Variants in OTX1 observed in about 807,000 individuals in gnomAD.
The protein encoded by OTX1 is orthodenticle homeobox 1.
OTX1 carries 7 observed loss-of-function variants against 26.7 expected under a neutral mutation model. That is an observed-to-expected ratio of 0.26 (90% CI 0.15 to 0.49). The LOEUF is 0.49. OTX1 is among the 20% of genes least tolerant of loss of function. The probability of loss-of-function intolerance (pLI) is 0.98; values close to 1 mark genes in which losing one functional copy is unlikely to be tolerated. For synonymous variants in OTX1, 216 were observed against 212.8 expected (o/e 1.01, Z -0.13); for missense variants, 414 against 483.8 (o/e 0.86, Z 1.35).
chr2:63,052,943 G>A lies in OTX1; in HGVS notation c.-48G>A, dbSNP rs1559118803. 1 of 1,341,662 alleles carries A rather than the reference G, an allele frequency of 7.5e-7. No homozygotes were observed. The highest frequency in any genetic ancestry group is 1.1e-6 in the Non-Finnish European group (1 of 944,448). 83.1% of individuals were successfully genotyped at this position (1,341,662 alleles called of 1,614,324 possible). A position where few individuals can be genotyped will look rare whatever the true frequency, so the allele number is the denominator to read the frequency against. On this transcript the variant is annotated 5_prime_UTR_variant, in exon 3 of 5. Transcript: ENST00000282549. ...TGGTGGGAGCCCTGCACCGCTCCTG[G>A]CCCCGGGCCCCCTGGATCCGTCGGG...
intron 3 of OTX1, 77 bp downstream of exon 3, chr2:63,053,164 G>A (rs1001625233): frequency 1.0e-6 from 1 of 1,003,526 alleles, no homozygotes; most frequent in Middle Eastern, 2.2e-4. Flanking sequence ...TTGAGTGCAA[G>A]CTTTGTTGCT....
rs1287671704 is a variant in OTX1, at chr2:63,055,389, C to T, written c.250-112C>T. ...CAGAGACAGGAAGGGGCGGAGGCCT[C>T]GGTGAGAAAGGATTGCGATATTCTG... is the stretch of plus-strand genomic sequence containing the variant. On this transcript the variant is annotated intron_variant, in intron 4 of 4. Transcript: ENST00000282549. This position sits in a 1 kb window ranked among gnomAD's most constrained non-coding sequence, Gnocchi z 5.2. The T allele has an allele frequency of 5.3e-5, 63 of 1,197,986 alleles. No individual in the cohort carries two copies. The highest frequency in any genetic ancestry group is 6.5e-5 in the Non-Finnish European group (56 of 862,018). 74.2% of individuals were successfully genotyped at this position (1,197,986 alleles called of 1,614,324 possible).
At chr2:63,054,267 C>CTCTTGAGTAGT in intron 4 of OTX1, 69 bp downstream of exon 4, 1 of 1,460,150 alleles carries the variant, frequency 6.8e-7, no homozygotes, top group Non-Finnish European at 9.1e-7. Flanking sequence ...TCTAGGAAGG[C>CTCTTGAGTAGT]TCTTGAGTAG....
rs2062076522 is a variant in OTX1 at position 63,057,427 on chromosome 2, T to A, written c.*1111T>A. 6.6e-6 allele frequency: 1 copy of A among 152,210 alleles called. No homozygotes were observed. Among genetic ancestry groups the A allele is most frequent in the African/African-American group, 2.4e-5 (1 of 41,410 alleles). The allele number at this position is 152,210 out of a possible 1,614,324, so 9.4% of individuals were successfully genotyped here. A position where few individuals can be genotyped will look rare whatever the true frequency, so the allele number is the denominator to read the frequency against. On this transcript the variant is annotated 3_prime_UTR_variant, in exon 5 of 5. Coordinates refer to ENST00000282549, the MANE Select transcript of OTX1 (RefSeq NM_014562.4). ...GCAGGGCTGACCCCCTCACCCGGTC[T>A]AAGCACAGGGTCGCAGTTCCAGTTT...
chr2:63,052,819 G>C, intron 2 of OTX1, 61 bp from the exon 3 acceptor site: 1 of 561,798 alleles, frequency 1.8e-6, no homozygotes, highest in Non-Finnish European at 3.1e-6. Flanking sequence ...CTATCCCGGG[G>C]CAAGACTTGG....
Position 63,056,383 on chromosome 2 carries a change from G to A in OTX1, c.*67G>A. The A allele has an allele frequency of 2.9e-6, 4 of 1,374,146 alleles. No homozygotes were observed. Among genetic ancestry groups the A allele is most frequent in the Non-Finnish European group, 4.0e-6 (4 of 994,358 alleles). The allele number at this position is 1,374,146 out of a possible 1,614,324, so 85.1% of individuals were successfully genotyped here. ...CCTCCGTGGTCCCGATCCTGTTGCT[G>A]CTGCTGCACCGCCCGCCTTTGCCTC... On this transcript the variant is annotated 3_prime_UTR_variant, in exon 5 of 5. Transcript: ENST00000282549.
intron 4 of OTX1, among the ~76,000 whole-genome samples, chr2:63,054,980 C>T (rs1319585915): frequency 6.6e-6 from 1 of 152,206 alleles, no homozygotes; most frequent in Admixed American, 6.5e-5. Flanking sequence ...CTTGCTCCTA[C>T]CCCCACCCAA....
intron 2 of OTX1, among the ~76,000 whole-genome samples, chr2:63,052,418 G>C (rs1401703503): frequency 6.6e-6 from 1 of 152,260 alleles, no homozygotes; most frequent in Non-Finnish European, 1.5e-5. Flanking sequence ...AGTGCAATTA[G>C]CCCTCCACAT....
In OTX1 at chr2:63,056,809, A is replaced by G. The variant is rs2062071258; in HGVS notation, c.*493A>G. The G allele has an allele frequency of 6.4e-6, 1 of 156,766 alleles. No homozygotes were observed. Among genetic ancestry groups the G allele is most frequent in the East Asian group, 1.9e-4 (1 of 5,338 alleles). The allele number at this position is 156,766 out of a possible 1,614,324, so 9.7% of individuals were successfully genotyped here. A position where few individuals can be genotyped will look rare whatever the true frequency, so the allele number is the denominator to read the frequency against. On this transcript the variant is annotated 3_prime_UTR_variant, in exon 5 of 5. Coordinates refer to ENST00000282549, the MANE Select transcript of OTX1 (RefSeq NM_014562.4). The stretch of plus-strand genomic sequence containing the variant: ...ACCACTAAGAGTTCCTCCCGCGCAG[A>G]CTGCTGCCCCTTCAGCTGCCCTCGA...
In OTX1 at chr2:63,056,040, G is replaced by C. The variant is rs774634981; in HGVS notation, c.789G>C (p.Gln263His). 6.2e-6 allele frequency: 10 copies of C among 1,613,250 alleles called. No individual in the cohort carries two copies. The South Asian group carries it at 1.1e-4, about 18-fold the overall frequency. The change falls in exon 5 of 5, where the codon CAG becomes CAC. Residue 263 changes from glutamine to histidine, a missense_variant. This residue lies in a region of OTX1 where 320 missense variants were observed against 347.9 expected (regional missense o/e 0.92). Coordinates refer to ENST00000282549, the MANE Select transcript of OTX1 (RefSeq NM_014562.4). ...TGCACTCACATCACCACCCGCACCA[G>C]CTCAGCCCCATGGCACCCTCCTCCA... is the stretch of plus-strand genomic sequence containing the variant. ...APMHSHHHPH[Q>H]LSPMAPSSMA...
chr2:63,052,928 C>T lies in OTX1; in HGVS notation c.-63C>T, dbSNP rs2062036012. On this transcript the variant is annotated 5_prime_UTR_variant, in exon 3 of 5. Coordinates refer to ENST00000282549, the MANE Select transcript of OTX1 (RefSeq NM_014562.4). ...CCCTGAAGGACTGCGTGGTGGGAGC[C>T]CTGCACCGCTCCTGGCCCCGGGCCC... 2.8e-6 allele frequency: 3 copies of T among 1,083,358 alleles called. No individual in the cohort carries two copies. Among genetic ancestry groups the T allele is most frequent in the African/African-American group, 1.6e-5 (1 of 63,528 alleles). 67.1% of individuals were successfully genotyped at this position (1,083,358 alleles called of 1,614,324 possible). A position where few individuals can be genotyped will look rare whatever the true frequency, so the allele number is the denominator to read the frequency against.
intron 3 of OTX1, chr2:63,053,826 C>T (rs1356054795): frequency 8.8e-6 from 5 of 568,910 alleles, no homozygotes; most frequent in Non-Finnish European, 1.6e-5. Flanking sequence ...TAGAGAGGGG[C>T]AGCCCTCGAA....
chr2:63,050,195 G>A (rs1224212686), upstream of OTX1: 2 of 152,132 alleles, frequency 1.3e-5, no homozygotes, highest in African/African-American at 2.4e-5. Context: ...TCCCAGGCGC[G>A]AGAGTCCGGA....
At chr2:63,050,211 CGAG>C (rs894536595), upstream of OTX1, 6 of 152,100 alleles carry the variant, frequency 3.9e-5, no homozygotes, top group African/African-American at 1.4e-4. Flanking sequence ...CCGGAGGGGC[CGAG>C]GAGAGATCTG....
intron 3 of OTX1, chr2:63,053,790 T>A (rs1274307415): frequency 4.1e-6 from 2 of 490,336 alleles, no homozygotes; most frequent in Non-Finnish European, 7.3e-6. Context: ...TAGACTTCTC[T>A]TAACTTTTTT....
rs375731189 is a variant in OTX1, at chr2:63,055,874, G to C, written c.623G>C (p.Arg208Pro). 6.2e-7 allele frequency: 1 copy of C among 1,611,988 alleles called. No individual in the cohort carries two copies. Among genetic ancestry groups the C allele is most frequent in the Admixed American group, 1.7e-5 (1 of 59,984 alleles). The change falls in exon 5 of 5, where the codon CGC becomes CCC. Residue 208 changes from arginine (R) to proline (P), a missense_variant. Physicochemically the swap from Arg to Pro is moderately radical, Grantham distance 103 (BLOSUM62 -2). Around this residue, in one of 3 missense-constraint regions of OTX1, gnomAD observed 320 missense variants for 347.9 expected, o/e 0.92. Coordinates refer to ENST00000282549, the MANE Select transcript of OTX1 (RefSeq NM_014562.4). The surrounding 1 kb of genome is among the most constrained non-coding windows in gnomAD (Gnocchi z 5.2). ...AAPSNTSCMQ[R>P]SVAAGAATAA... ...CCTAGCAACACCTCGTGTATGCAGC[G>C]CTCCGTAGCTGCAGGCGCCGCCACC...
chr2:63,053,195 C>A, intron 3 of OTX1, 108 bp downstream of exon 3: 1 of 706,750 alleles, frequency 1.4e-6, no homozygotes, highest in Non-Finnish European at 2.3e-6. Context: ...AGGGAGCCGG[C>A]TGCAACACAG....
At chr2:63,054,289 A>C in intron 4 of OTX1, 91 bp downstream of exon 4, 1 of 1,299,436 alleles carries the variant, frequency 7.7e-7, no homozygotes. Context: ...TCTTGAGGAG[A>C]CCATCCTGTG....
rs1003857327 is a variant in OTX1 at position 63,054,117 on chromosome 2, C to G, written c.168C>G (p.Leu56=). 5.6e-6 allele frequency: 9 copies of G among 1,612,408 alleles called. No homozygotes were observed. In the African/African-American group the frequency reaches 9.3e-5, roughly 17 times the overall value. ...CACAGCTGGACGTGCTCGAGGCGCT[C>G]TTCGCCAAGACTCGCTACCCTGACA... ...TRSQLDVLEA[L]FAKTRYPDIF... The change falls in exon 4 of 5, where the codon CTC becomes CTG. Residue 56 remains leucine, a synonymous_variant. Transcript: ENST00000282549.
Sources: allele counts gnomAD v4.1 joint callset (sites outside exome capture counted in the v4.1 genomes callset), GRCh38; gene constraint gnomAD v4.1.1; regional missense constraint gnomAD v4.1.1; non-coding constraint Gnocchi (gnomAD v3.1); transcripts MANE v1.5; gene names NCBI Gene and HGNC (gene_info 2026-07-23, HGNC 2026-07-21).